The following FDFT1 variants were observed in gnomAD, a reference collection of about 807,000 sequenced individuals.
FDFT1 encodes the protein squalene synthase.
In FDFT1, 68 loss-of-function variants were observed where a neutral mutation model predicts 46.8. The ratio of observed to expected loss-of-function variants is 1.45; its 90% CI spans 1.19 to 1.78. The LOEUF (loss-of-function observed/expected upper bound fraction) is 1.78, where lower values mean the gene tolerates loss of function less well. Ranked by LOEUF, FDFT1 falls within the 40% of genes most tolerant of loss-of-function variation. The pLI is 0.00. For synonymous variants in FDFT1, 351 were observed against 185.1 expected (o/e 1.90, Z -7.28); for missense variants, 928 against 524.4 (o/e 1.77, Z -7.52).
upstream of FDFT1, chr8:11,801,862 T>C (rs894865367): frequency 7.0e-6 from 3 of 425,578 alleles, no homozygotes; most frequent in Non-Finnish European, 1.4e-5. Context: ...CTCGGCTTTT[T>C]TGTATTTTTA....
intron 1 of FDFT1, 32 bp from the exon 2 acceptor site, chr8:11,808,762 C>G (rs769493897): frequency 1.3e-6 from 2 of 1,592,088 alleles, no homozygotes; most frequent in South Asian, 1.1e-5. Flanking sequence ...TCCTCGACGT[C>G]TCCCACCGCC....
intron 3 of FDFT1, among the ~76,000 whole-genome samples, chr8:11,814,512 C>T (rs1357943960): frequency 6.6e-6 from 1 of 152,158 alleles, no homozygotes; most frequent in Non-Finnish European, 1.5e-5. Flanking sequence ...TTAACCAAAT[C>T]TCTTCACTGT....
chr8:11,813,397 T>G (rs534453696), intron 3 of FDFT1, among the ~76,000 whole-genome samples: 1 of 152,364 alleles, frequency 6.6e-6, no homozygotes, highest in South Asian at 2.1e-4. Flanking sequence ...ATCGTTAATT[T>G]ACTCTTTGTG....
At chr8:11,804,266 C>G (rs1301496391) in intron 1 of FDFT1, among the ~76,000 whole-genome samples, 1 of 152,202 alleles carries the variant, frequency 6.6e-6, no homozygotes, top group Non-Finnish European at 1.5e-5. Flanking sequence ...TGGGTCCAGA[C>G]TTCATTCCTC....
chr8:11,805,896 A>G (rs1806768856), intron 1 of FDFT1, among the ~76,000 whole-genome samples: 1 of 152,198 alleles, frequency 6.6e-6, no homozygotes, highest in Admixed American at 6.5e-5. Context: ...TGAGACCTTA[A>G]AGGGTTGATT....
chr8:11,806,809 T>C (rs1321727156), intron 1 of FDFT1, among the ~76,000 whole-genome samples: 1 of 152,214 alleles, frequency 6.6e-6, no homozygotes, highest in African/African-American at 2.4e-5. Flanking sequence ...GTTGGTGAAT[T>C]GTTTTAAAAT....
Position 11,821,875 on chromosome 8 carries a change from C to G in FDFT1, c.507C>G (p.Asp169Glu), listed in dbSNP as rs775605107. ...DKHVTSEQEW[D>E]KYCHYVAGLV... Reference sequence around the variant, plus strand: ...ATGTGACCTCTGAACAGGAGTGGGACAAGGTTAGTCTCATAAAACAGTGTC... The same window carrying G: ...ATGTGACCTCTGAACAGGAGTGGGAGAAGGTTAGTCTCATAAAACAGTGTC... The change falls in exon 4 of 8, where the codon GAC (aspartate) becomes GAG (glutamate). Residue 169 changes from aspartate (D) to glutamate (E), a missense_variant. Asp to Glu is a conservative substitution (Grantham distance 45). Transcript: ENST00000220584. The G allele has an allele frequency of 1.2e-5, 20 of 1,612,538 alleles. No homozygotes were observed. The highest frequency in any genetic ancestry group is 1.7e-5 in the Non-Finnish European group (20 of 1,179,044).
intron 4 of FDFT1, 57 bp from the exon 5 acceptor site, chr8:11,825,967 G>A: frequency 7.9e-7 from 1 of 1,268,388 alleles, no homozygotes. Flanking sequence ...GATCTCTAGT[G>A]TGTCCATTTC....
chr8:11,838,239 T>A (rs984934049), intron 7 of FDFT1, 149 bp from the exon 8 acceptor site: 1 of 661,244 alleles, frequency 1.5e-6, no homozygotes, highest in African/African-American at 1.8e-5. Context: ...TTGGGATGGC[T>A]TTGGGTAAGT....
chr8:11,838,314 G>A, intron 7 of FDFT1, 74 bp from the exon 8 acceptor site: 1 of 1,136,878 alleles, frequency 8.8e-7, no homozygotes, highest in Non-Finnish European at 1.3e-6. Context: ...ACCTGCCAGT[G>A]GAGGGTTGTT....
chr8:11,803,394 C>T (rs1048860611), intron 1 of FDFT1: 1 of 1,289,600 alleles, frequency 7.8e-7, no homozygotes, highest in Non-Finnish European at 1.0e-6. Flanking sequence ...CCGGAGCTCT[C>T]CCCGCCTTGC....
intron 3 of FDFT1, among the ~76,000 whole-genome samples, chr8:11,812,309 A>G (rs559651150): frequency 1.3e-5 from 2 of 152,330 alleles, no homozygotes; most frequent in South Asian, 2.1e-4. Flanking sequence ...CATCTCCTCC[A>G]GGTGGGAACG....
chr8:11,800,130 G>T (rs1805961377), upstream of FDFT1, among the ~76,000 whole-genome samples: 1 of 139,782 alleles, frequency 7.2e-6, no homozygotes, highest in East Asian at 2.2e-4. Context: ...CGTGGTGGTT[G>T]GGCGCCTGTA....
chr8:11,798,225 A>G (rs1457143598), upstream of FDFT1: 1 of 152,050 alleles, frequency 6.6e-6, no homozygotes, highest in Non-Finnish European at 1.5e-5. Context: ...ACGCTCAGCT[A>G]ATTTTGGTAT....
upstream of FDFT1, chr8:11,802,542 A>G (rs2645429): frequency 0.75 from 423,722 of 568,040 alleles, 158,526 homozygotes; most frequent in South Asian, 0.78. Flanking sequence ...GAGCTTCTAG[A>G]GTGTTATCAC....
chr8:11,805,785 T>G (rs1167850348), intron 1 of FDFT1, among the ~76,000 whole-genome samples: 3 of 152,214 alleles, frequency 2.0e-5, no homozygotes, highest in East Asian at 1.9e-4. Context: ...TCACACTGAC[T>G]AGGGTTGTAT....
chr8:11,838,623 C>G lies in FDFT1; in HGVS notation c.*14C>G. 6.3e-7 allele frequency: 1 copy of G among 1,585,722 alleles called. No individual in the cohort carries two copies. The highest frequency in any genetic ancestry group is 8.7e-7 in the Non-Finnish European group (1 of 1,154,122). On this transcript the variant is annotated 3_prime_UTR_variant, in exon 8 of 8. Transcript: ENST00000220584. ...GGAGAACACTGATCCCAAATTTGTC[C>G]ATAGCTGAAGTCCACCATAAAGTGG...
intron 4 of FDFT1, among the ~76,000 whole-genome samples, chr8:11,824,807 C>A (rs1462783642): frequency 1.3e-5 from 2 of 152,084 alleles, no homozygotes; most frequent in Non-Finnish European, 2.9e-5. Context: ...GCGATCTCGG[C>A]TCCCTGCAAG....
chr8:11,808,784 C>T lies in FDFT1; in HGVS notation c.100-10C>T, dbSNP rs372882846. The T allele has an allele frequency of 5.6e-6, 9 of 1,613,234 alleles. No homozygotes were observed. Among genetic ancestry groups the T allele is most frequent in the African/African-American group, 5.3e-5 (4 of 75,038 alleles). ...CGTCTCCCACCGCCGTGTGTGTTGT[C>T]TGCCCGCAGGACTCGCTCAGCAGCA... On this transcript the variant is annotated splice_polypyrimidine_tract_variant and intron_variant, in intron 1 of 7. Transcript: ENST00000220584.
Sources: gnomAD v4.1 joint callset for allele counts (sites outside exome capture counted in the v4.1 genomes callset) on GRCh38, gnomAD v4.1.1 for gene constraint, MANE v1.5 for transcripts, NCBI Gene and HGNC (gene_info 2026-07-23, HGNC 2026-07-21) for gene names.